Variants in DNM2 observed in about 807,000 individuals in gnomAD.
The protein encoded by DNM2 is dynamin 2, also known as dynamin-2.
In DNM2, 15 loss-of-function variants were observed where a neutral mutation model predicts 99.0. That is an observed-to-expected ratio of 0.15 (90% CI 0.10 to 0.23). DNM2 has a LOEUF of 0.23. Ranked by LOEUF, DNM2 falls within the 10% of genes least tolerant of loss-of-function variation. The pLI, the probability that DNM2 is intolerant of heterozygous loss-of-function variation, is 1.00. For synonymous variants in DNM2, 525 were observed against 481.2 expected, an observed-to-expected ratio of 1.09 and a Z score of -1.19; for missense variants, 742 against 1,189.4, an observed-to-expected ratio of 0.62 and a Z score of 5.53.
intron 11 of DNM2, among the ~76,000 whole-genome samples, chr19:10,800,971 C>T (rs548973319): frequency 1.3e-3 from 203 of 152,360 alleles, no homozygotes; most frequent in Admixed American, 2.2e-3. Flanking sequence ...GACAAATTAG[C>T]TTCGCAGTTT....
Position 10,823,678 on chromosome 19 carries a change from G to A in DNM2, c.1782-110G>A, listed in dbSNP as rs904037883. 1.1e-4 allele frequency: 116 copies of A among 1,101,466 alleles called. 1 individual carries two copies. The highest frequency in any genetic ancestry group is 1.5e-4 in the Non-Finnish European group (106 of 724,916). 68.2% of individuals were successfully genotyped at this position (1,101,466 alleles called of 1,614,324 possible). A position where few individuals can be genotyped will look rare whatever the true frequency, so the allele number is the denominator to read the frequency against. On this transcript the variant is annotated intron_variant, in intron 16 of 20. Coordinates refer to ENST00000389253, the MANE Select transcript of DNM2 (RefSeq NM_001005361.3). ...CATGACCAGGTGAAGCCTGGGTTGG[G>A]TTTGGGTTCCTGATCAGTCAGAAAG...
chr19:10,808,743 C>T (rs989432419), intron 14 of DNM2, 163 bp downstream of exon 14: 14 of 793,768 alleles, frequency 1.8e-5, no homozygotes, highest in Admixed American at 1.3e-4. Context: ...CTGGACTGCA[C>T]GTTGCCCTGG....
rs374823728 is a variant in DNM2 at position 10,775,860 on chromosome 19, G to A, written c.543G>A (p.Leu181=). 13 of 1,613,674 alleles carry A rather than the reference G, an allele frequency of 8.1e-6. No homozygotes were observed. The African/African-American group carries it at 1.6e-4, about 20-fold the overall frequency. The change falls in exon 4 of 21, where the codon CTG becomes CTA. Residue 181 remains leucine, a synonymous_variant. Transcript: ENST00000389253. The surrounding 1 kb of genome is among the most constrained non-coding windows in gnomAD (Gnocchi z 4.3). The stretch of plus-strand genomic sequence containing the variant: ...CTGTCACGCCCGCCAACATGGACCT[G>A]GCCAACTCCGACGCCCTCAAGCTGG... The part of the protein sequence containing the change: ...ILAVTPANMD[L]ANSDALKLAK...
At chr19:10,809,813 C>T (rs2072477520) in intron 14 of DNM2, 4 of 152,298 alleles carry the variant, frequency 2.6e-5, no homozygotes, top group South Asian at 4.1e-4. Flanking sequence ...GTAGCTGAGC[C>T]GATCCTATGC....
At chr19:10,785,705 A>G (rs1273358007) in intron 6 of DNM2, among the ~76,000 whole-genome samples, 4 of 151,808 alleles carry the variant, frequency 2.6e-5, no homozygotes, top group South Asian at 2.1e-4. Flanking sequence ...CCCAAGTGCT[A>G]GGATTACAGG....
chr19:10,829,785 G>A (rs1378046928), intron 19 of DNM2, among the ~76,000 whole-genome samples: 1 of 152,168 alleles, frequency 6.6e-6, no homozygotes, highest in Non-Finnish European at 1.5e-5. Context: ...GCAGGTGGCA[G>A]GGACTGAGGC....
Position 10,796,535 on chromosome 19 carries a change from G to A in DNM2, c.1197-845G>A, listed in dbSNP as rs1328717659. On this transcript the variant is annotated intron_variant, in intron 9 of 20. Coordinates refer to ENST00000389253, the MANE Select transcript of DNM2 (RefSeq NM_001005361.3). The surrounding 1 kb of genome is among the most constrained non-coding windows in gnomAD (Gnocchi z 5.6). The stretch of plus-strand genomic sequence containing the variant: ...TGGGAAGCAGAGAGGGACCCCCCGC[G>A]TCAACTGCTGGAGGCTGAGCTCCTT... Among the ~76,000 whole-genome samples, 4 of 152,146 alleles carry A rather than the reference G, an allele frequency of 2.6e-5. No homozygotes were observed. The highest frequency in any genetic ancestry group is 1.9e-4 in the East Asian group (1 of 5,194).
At chr19:10,722,235 G>A (rs1599411601) in intron 1 of DNM2, among the ~76,000 whole-genome samples, 1 of 152,096 alleles carries the variant, frequency 6.6e-6, no homozygotes, top group Non-Finnish European at 1.5e-5. Flanking sequence ...GGCCACTCCA[G>A]CTGCCACAGT....
Position 10,817,651 on chromosome 19 carries a change from C to T in DNM2, c.1672-2329C>T, listed in dbSNP as rs527472960. ...TGACGTGGCAAGGCTGGGGCCGGCTCGCATCTGGAGAAAGTTCTGGGTTTT... is the reference window on the plus strand; with the variant it reads ...TGACGTGGCAAGGCTGGGGCCGGCTTGCATCTGGAGAAAGTTCTGGGTTTT... On this transcript the variant is annotated intron_variant, in intron 15 of 20. Transcript: ENST00000389253. The surrounding 1 kb of genome is among the most constrained non-coding windows in gnomAD (Gnocchi z 4.6). Among the ~76,000 whole-genome samples, 7 of 151,574 alleles carry T rather than the reference C, an allele frequency of 4.6e-5. No homozygotes were observed. Among genetic ancestry groups the T allele is most frequent in the South Asian group, 4.2e-4 (2 of 4,798 alleles).
chr19:10,803,635 C>A, intron 12 of DNM2: 2 of 986,340 alleles, frequency 2.0e-6, no homozygotes, highest in Non-Finnish European at 2.4e-6. Flanking sequence ...CCCACTTACC[C>A]CAGCTGTTAC....
At chr19:10,791,350 A>G (rs2071746132) in intron 7 of DNM2, among the ~76,000 whole-genome samples, 1 of 152,046 alleles carries the variant, frequency 6.6e-6, no homozygotes, top group Non-Finnish European at 1.5e-5. Context: ...AGCTTCCCGA[A>G]GTGATGGGAT....
At chr19:10,739,610 T>C (rs2069664790) in intron 1 of DNM2, among the ~76,000 whole-genome samples, 1 of 152,114 alleles carries the variant, frequency 6.6e-6, no homozygotes, top group African/African-American at 2.4e-5. Context: ...ATCCCAGCAT[T>C]TGGGAGGCTG....
chr19:10,787,507 C>T (rs560338677), intron 7 of DNM2, among the ~76,000 whole-genome samples: 1 of 151,588 alleles, frequency 6.6e-6, no homozygotes, highest in East Asian at 1.9e-4. Context: ...TGGCTCACGC[C>T]TGTAATCCTA....
intron 6 of DNM2, 58 bp from the exon 7 acceptor site, chr19:10,786,506 C>G (rs2071564341): frequency 3.7e-6 from 6 of 1,610,638 alleles, no homozygotes; most frequent in Non-Finnish European, 5.1e-6. Flanking sequence ...AGTGTGTCTG[C>G]CACTCCCTGG....
intron 1 of DNM2, among the ~76,000 whole-genome samples, chr19:10,752,988 G>A (rs1414405561): frequency 1.3e-5 from 2 of 152,134 alleles, no homozygotes; most frequent in Admixed American, 6.5e-5. Flanking sequence ...ACTTAAGGTG[G>A]TGGTGGGTAC....
rs1376953504 is a variant in DNM2, at chr19:10,795,940, C to A, written c.1196+501C>A. The A allele has an allele frequency of 1.3e-6, 2 of 1,540,826 alleles. No homozygotes were observed. Among genetic ancestry groups the A allele is most frequent in the African/African-American group, 1.4e-5 (1 of 73,624 alleles). On this transcript the variant is annotated intron_variant, in intron 9 of 20. Transcript: ENST00000389253. The surrounding 1 kb of genome is among the most constrained non-coding windows in gnomAD (Gnocchi z 4.2). ...CCGGGCAGTGGACTCAGGCATCCGA[C>A]CCCACACATGACACAACCTTCATTC... is the stretch of plus-strand genomic sequence containing the variant.
In DNM2 at chr19:10,829,201, A is replaced by G; in HGVS notation, c.2224A>G (p.Ser742Gly). ...CAACATCATCGGTGACATCAGCACC[A>G]GCACTGTGTCCACGCCTGTACCCCC... ...ALNIIGDIST[S>G]TVSTPVPPPV... Residue 742 changes from serine to glycine, a missense_variant, in exon 19 of 21, where the codon AGC (serine) becomes GGC (glycine). By Grantham distance (56) the Ser-to-Gly change is moderately conservative. Transcript: ENST00000389253. The G allele has an allele frequency of 6.2e-7, 1 of 1,614,018 alleles. No homozygotes were observed. Among genetic ancestry groups the G allele is most frequent in the Non-Finnish European group, 8.5e-7 (1 of 1,180,042 alleles).
intron 5 of DNM2, 34 bp downstream of exon 5, chr19:10,777,250 A>T: frequency 6.2e-7 from 1 of 1,602,442 alleles, no homozygotes; most frequent in Non-Finnish European, 8.5e-7. Context: ...AAGCAGGAGG[A>T]TGGGTGGGGT....
In DNM2 at chr19:10,733,246, C is replaced by T. The variant is rs555652887; in HGVS notation, c.161+14843C>T. ...CCACTCTTTCACCCAGGTTGGAGTG[C>T]AGTGGCATGATGTCGGCTTACTGCA... On this transcript the variant is annotated intron_variant, in intron 1 of 20. Transcript: ENST00000389253. Among the ~76,000 whole-genome samples, 121 of 144,080 alleles carry T rather than the reference C, an allele frequency of 8.4e-4. No individual in the cohort carries two copies. The Middle Eastern group carries it at 0.023, about 27-fold the overall frequency. The allele number at this position is 144,080 out of a possible 152,430, so 94.5% of individuals were successfully genotyped here. A position where few individuals can be genotyped will look rare whatever the true frequency, so the allele number is the denominator to read the frequency against.
Sources: allele counts gnomAD v4.1 joint callset (sites outside exome capture counted in the v4.1 genomes callset), GRCh38; gene constraint gnomAD v4.1.1; non-coding constraint Gnocchi (gnomAD v3.1); transcripts MANE v1.5; gene names NCBI Gene and HGNC (gene_info 2026-07-23, HGNC 2026-07-21).